Variants in MTG1 observed in about 807,000 individuals in gnomAD.
MTG1 encodes the protein mitochondrial ribosome-associated GTPase 1.
In MTG1, 30 loss-of-function variants were observed where a neutral mutation model predicts 39.5. The ratio of observed to expected loss-of-function variants is 0.76; its 90% confidence interval spans 0.57 to 1.03. MTG1 has a LOEUF of 1.03. Among genes scored for constraint, MTG1 ranks in the 50% least tolerant of loss-of-function variants. MTG1 has a pLI of 0.00. For synonymous variants in MTG1, 217 were observed against 179.0 expected (o/e 1.21, Z -1.69); for missense variants, 513 against 447.4 (o/e 1.15, Z -1.32).
chr10:133,396,178 C>T lies in MTG1; in HGVS notation c.193C>T (p.Arg65Cys), dbSNP rs148997160. 44 of 1,614,086 alleles carry T rather than the reference C, an allele frequency of 2.7e-5. No individual in the cohort carries two copies. Among genetic ancestry groups the T allele is most frequent in the Admixed American group, 1.7e-4 (10 of 59,998 alleles). Reference protein sequence around the residue: ...VHDARIPLSGRNPLFQETLGL... With the variant: ...VHDARIPLSGCNPLFQETLGL... ...ATTTTGCCACATCCCACTTTCAGGC[C>T]GCAACCCTCTGTTTCAGGAAACCCT... Residue 65 changes from arginine (R) to cysteine (C), a missense_variant, in exon 3 of 11, where the codon CGC becomes TGC. Coordinates refer to ENST00000317502, the MANE Select transcript of MTG1 (RefSeq NM_138384.4).
chr10:133,399,825 A>G, intron 6 of MTG1: 1 of 478,874 alleles, frequency 2.1e-6, no homozygotes, highest in Non-Finnish European at 3.7e-6. Flanking sequence ...TGTGAATTTC[A>G]CACTTAATTT....
chr10:133,413,905 T>C (rs1342104752), intron 9 of MTG1, among the ~76,000 whole-genome samples: 1 of 151,872 alleles, frequency 6.6e-6, no homozygotes, highest in Non-Finnish European at 1.5e-5. Flanking sequence ...CTCATTTCTT[T>C]GTGTTTTCTT....
chr10:133,404,421 C>G (rs897681014), intron 9 of MTG1, among the ~76,000 whole-genome samples: 1 of 152,178 alleles, frequency 6.6e-6, no homozygotes, highest in Non-Finnish European at 1.5e-5. Context: ...GGCACCATGC[C>G]CAGCCTGTAA....
chr10:133,418,310 T>C (rs779870321), intron 9 of MTG1, among the ~76,000 whole-genome samples: 3 of 152,256 alleles, frequency 2.0e-5, no homozygotes, highest in Non-Finnish European at 2.9e-5. Context: ...CCTGGCTGGA[T>C]GCCATGTATT....
intron 1 of MTG1, chr10:133,394,573 C>G: frequency 7.5e-7 from 1 of 1,326,854 alleles, no homozygotes; most frequent in Non-Finnish European, 9.6e-7. Flanking sequence ...AGCCTCGGAC[C>G]CAGGGCCTGC....
chr10:133,397,121 C>T (rs978376082), intron 3 of MTG1, among the ~76,000 whole-genome samples: 22 of 152,324 alleles, frequency 1.4e-4, no homozygotes, highest in African/African-American at 5.3e-4. Context: ...TCCTAGTCCG[C>T]CTTGATGTTC....
chr10:133,405,583 C>T (rs1441165847), intron 9 of MTG1, among the ~76,000 whole-genome samples: 1 of 152,232 alleles, frequency 6.6e-6, no homozygotes, highest in East Asian at 1.9e-4. Context: ...TGAGTTAGAA[C>T]ATGCATTATT....
intron 9 of MTG1, among the ~76,000 whole-genome samples, chr10:133,416,371 G>GAT (rs147744350): frequency 0.012 from 1,621 of 136,534 alleles, 25 homozygotes; most frequent in African/African-American, 0.036. Flanking sequence ...ATTTTTGGAT[G>GAT]ATATATATAT....
At chr10:133,409,297 A>G (rs1331139487) in intron 9 of MTG1, among the ~76,000 whole-genome samples, 1 of 152,182 alleles carries the variant, frequency 6.6e-6, no homozygotes, top group African/African-American at 2.4e-5. Context: ...TTATTAACCC[A>G]TTGATCATTC....
chr10:133,397,313 C>T (rs921635739), intron 3 of MTG1, among the ~76,000 whole-genome samples: 41 of 152,026 alleles, frequency 2.7e-4, no homozygotes, highest in African/African-American at 9.2e-4. Context: ...GTGACCTTAC[C>T]TGTCATTGGA....
Position 133,395,724 on chromosome 10 carries a change from A to T in MTG1, c.124A>T (p.Met42Leu). 1 of 1,614,110 alleles carries T rather than the reference A, an allele frequency of 6.2e-7. No homozygotes were observed. The highest frequency in any genetic ancestry group is 1.1e-5 in the South Asian group (1 of 91,040). ...CTTCTGTTTTCCAGGGCTGAAGAAG[A>T]TGCAGAGCAGCCTGAAGCTGGTGGA... Reference protein sequence around the residue: ...PGHMAKGLKKMQSSLKLVDCI... With the variant: ...PGHMAKGLKKLQSSLKLVDCI... The change falls in exon 2 of 11, where the codon ATG (methionine) becomes TTG (leucine). Residue 42 changes from methionine (M) to leucine (L), a missense_variant. Physicochemically the swap from Met to Leu is conservative, Grantham distance 15. Transcript: ENST00000317502.
chr10:133,401,641 G>C (rs375006134), intron 7 of MTG1, 51 bp downstream of exon 7: 1 of 1,577,028 alleles, frequency 6.3e-7, no homozygotes, highest in Non-Finnish European at 8.7e-7. Context: ...CTCTGCAGGC[G>C]TCTGGCACCT....
intron 4 of MTG1, 130 bp from the exon 5 acceptor site, chr10:133,399,040 C>T: frequency 2.0e-6 from 2 of 1,012,384 alleles, no homozygotes; most frequent in South Asian, 1.4e-5. Context: ...TAGGAGGTTT[C>T]TGTTTTCCTA....
chr10:133,399,493 C>A, intron 5 of MTG1, 36 bp from the exon 6 acceptor site: 1 of 1,599,160 alleles, frequency 6.3e-7, no homozygotes, highest in Non-Finnish European at 8.6e-7. Context: ...CTAGCGGCCA[C>A]GGTGGGCCCT....
intron 9 of MTG1, among the ~76,000 whole-genome samples, chr10:133,405,961 G>A (rs565863868): frequency 6.6e-5 from 10 of 152,284 alleles, no homozygotes; most frequent in African/African-American, 1.9e-4. Context: ...AACAGTGTAC[G>A]ACAGCTCCCC....
At chr10:133,404,271 C>T (rs750246180) in intron 9 of MTG1, among the ~76,000 whole-genome samples, 5 of 151,548 alleles carry the variant, frequency 3.3e-5, no homozygotes, top group Non-Finnish European at 7.4e-5. Context: ...AGACTACAGG[C>T]GTGTGCCACC....
Position 133,402,357 on chromosome 10 carries a change from C to A in MTG1, c.670+112C>A. The A allele has an allele frequency of 2.3e-6, 3 of 1,286,626 alleles. No individual in the cohort carries two copies. Among genetic ancestry groups the A allele is most frequent in the Non-Finnish European group, 3.3e-6 (3 of 898,934 alleles). The allele number at this position is 1,286,626 out of a possible 1,614,324, so 79.7% of individuals were successfully genotyped here. Reference sequence around the variant, plus strand: ...AGACGGGAGTTGTTACTGCCTTTGACCTGGTTGCTGCCAGACCTTCCTCGA... The same window carrying A: ...AGACGGGAGTTGTTACTGCCTTTGAACTGGTTGCTGCCAGACCTTCCTCGA... On this transcript the variant is annotated intron_variant, in intron 8 of 10. Transcript: ENST00000317502. The surrounding 1 kb of genome is among the most constrained non-coding windows in gnomAD (Gnocchi z 4.7).
chr10:133,403,399 G>A (rs917759303), intron 9 of MTG1, among the ~76,000 whole-genome samples: 7 of 150,498 alleles, frequency 4.7e-5, no homozygotes, highest in East Asian at 3.9e-4. Context: ...GGAAATGAGC[G>A]TTCCCGTCAC....
intron 9 of MTG1, among the ~76,000 whole-genome samples, chr10:133,409,510 G>C (rs1438353161): frequency 1.3e-5 from 2 of 152,134 alleles, no homozygotes; most frequent in Non-Finnish European, 2.9e-5. Context: ...TGCAGCAGTT[G>C]GGTGAAATGT....
Sources: allele counts gnomAD v4.1 joint callset (sites outside exome capture counted in the v4.1 genomes callset), GRCh38; gene constraint gnomAD v4.1.1; non-coding constraint Gnocchi (gnomAD v3.1); transcripts MANE v1.5; gene names NCBI Gene and HGNC (gene_info 2026-07-23, HGNC 2026-07-21).